The following LILRB5 variants were observed in gnomAD, a reference collection of about 807,000 sequenced individuals.
The protein encoded by LILRB5 is leukocyte immunoglobulin like receptor B5.
A neutral mutation model predicts 68.4 loss-of-function variants in LILRB5; 61 were observed. The observed-to-expected ratio is 0.89, with a 90% CI of 0.73 to 1.10. LILRB5 has a LOEUF of 1.10. Ranked by LOEUF, LILRB5 falls within the 50% of genes least tolerant of loss-of-function variation. The pLI is 0.00. For missense variants in LILRB5, 771 were observed against 751.6 expected, an observed-to-expected ratio of 1.03 and a Z score of -0.30; for synonymous variants, 356 against 315.8, an observed-to-expected ratio of 1.13 and a Z score of -1.35.
intron 2 of LILRB5, 55 bp downstream of exon 2, chr19:54,256,906 G>C (rs1183316856): frequency 1.9e-6 from 3 of 1,613,438 alleles, no homozygotes; most frequent in African/African-American, 2.7e-5. Context: ...GCCCGGGGTT[G>C]GGCCCTTGTC....
At chr19:54,255,795 C>G in intron 4 of LILRB5, 1 of 710,184 alleles carries the variant, frequency 1.4e-6, no homozygotes. Flanking sequence ...GGTCTGTCCT[C>G]TCCTCATTGA....
Position 54,255,438 on chromosome 19 carries a change from G to T in LILRB5, c.800C>A (p.Ser267Tyr), listed in dbSNP as rs1004117839. 1 of 1,614,132 alleles carries T rather than the reference G, an allele frequency of 6.2e-7. No individual in the cohort carries two copies. The change falls in exon 5 of 13, where the codon TCT (serine) becomes TAT (tyrosine). Residue 267 changes from serine to tyrosine, a missense_variant. Coordinates refer to ENST00000449561, the MANE Select transcript of LILRB5 (RefSeq NM_001081442.3). ...KEGEHDLVQG[S>Y]GQQPQAGLSQ... The stretch of plus-strand genomic sequence containing the variant: ...GAGCCCAGCCTGGGGCTGCTGGCCA[G>T]AGCCCTGGACGAGGTCATGTTCCCC...
At position 54,252,970 on chromosome 19, in the gene LILRB5, C is replaced by G; in HGVS notation, c.1375G>C (p.Gly459Arg). The G allele has an allele frequency of 6.4e-7, 1 of 1,569,648 alleles. No individual in the cohort carries two copies. The highest frequency in any genetic ancestry group is 1.1e-5 in the South Asian group (1 of 90,644). The change falls in exon 9 of 13, where the codon GGG becomes CGG. Residue 459 changes from glycine to arginine, a missense_variant. Coordinates refer to ENST00000449561, the MANE Select transcript of LILRB5 (RefSeq NM_001081442.3). Reference protein sequence around the residue: ...DPQSGLGRHLGVVTGVSVAFV... With the variant: ...DPQSGLGRHLRVVTGVSVAFV... Reference sequence around the variant, plus strand: ...GCCACTGAGACCCCAGTCACAACCCCCAGGTGCCTTCCCAGACCTTGAGCG... The same window carrying G: ...GCCACTGAGACCCCAGTCACAACCCGCAGGTGCCTTCCCAGACCTTGAGCG...
chr19:54,251,855 G>A, intron 12 of LILRB5, 199 bp downstream of exon 12: 3 of 750,078 alleles, frequency 4.0e-6, no homozygotes, highest in Non-Finnish European at 7.4e-6. Flanking sequence ...GGAGCAGGAA[G>A]GGGACCCGGG....
intron 7 of LILRB5, 111 bp from the exon 8 acceptor site, chr19:54,254,179 G>GC: frequency 6.6e-7 from 1 of 1,509,674 alleles, no homozygotes; most frequent in Non-Finnish European, 8.9e-7. Flanking sequence ...CTGCCTCGAC[G>GC]CCCGCCCCCT....
chr19:54,250,774 G>A lies in LILRB5; in HGVS notation c.*12C>T. On this transcript the variant is annotated 3_prime_UTR_variant, in exon 13 of 13. Transcript: ENST00000449561. ...TCCTTCTGTTGAGTATGAGATCTGG[G>A]TCCCCCGTGGGCTAGTGGATGGCCA... 1 of 1,613,982 alleles carries A rather than the reference G, an allele frequency of 6.2e-7. No homozygotes were observed. Among genetic ancestry groups the A allele is most frequent in the South Asian group, 1.1e-5 (1 of 91,064 alleles).
At chr19:54,255,749 G>T in intron 4 of LILRB5, 167 bp from the exon 5 acceptor site, 2 of 862,328 alleles carry the variant, frequency 2.3e-6, no homozygotes, top group Non-Finnish European at 3.5e-6. Flanking sequence ...GTTCCAGACC[G>T]ATAGTGTCTC....
chr19:54,256,939 G>A (rs2079167300), intron 2 of LILRB5, 22 bp downstream of exon 2: 1 of 1,614,046 alleles, frequency 6.2e-7, no homozygotes, highest in African/African-American at 1.3e-5. Context: ...AAGGGACCTG[G>A]GACAGCTGGG....
chr19:54,252,274 A>G, intron 11 of LILRB5, 92 bp downstream of exon 11: 2 of 1,424,362 alleles, frequency 1.4e-6, no homozygotes, highest in Non-Finnish European at 2.0e-6. Context: ...TTGGCCCCAG[A>G]CCCCCCCCAG....
intron 6 of LILRB5, 98 bp from the exon 7 acceptor site, chr19:54,254,513 C>T: frequency 1.4e-6 from 2 of 1,409,014 alleles, no homozygotes; most frequent in Non-Finnish European, 1.9e-6. Context: ...CTTTCTTCTG[C>T]TCACCTTTCA....
At position 54,256,107 on chromosome 19, in the gene LILRB5, G is replaced by C. The variant is rs1179311017; in HGVS notation, c.591C>G (p.Tyr197Ter). Reference protein sequence around the residue: ...PSCRWRFRCYYYYRKNPQVWS... With the variant: ...PSCRWRFRCY ...ACACCTGAGGGTTTTTCCTGTAATA[G>C]TAATAGCATCTGAACCTCCACCTGC... Residue 197 changes from tyrosine to a stop codon, truncating the protein, a stop_gained, in exon 4 of 13, where the codon TAC becomes TAG. Transcript: ENST00000449561. LOFTEE classifies it high-confidence loss of function. 1.9e-6 allele frequency: 3 copies of C among 1,600,684 alleles called. No homozygotes were observed. In the Admixed American group the frequency reaches 5.3e-5, roughly 28 times the overall value.
At position 54,255,407 on chromosome 19, in the gene LILRB5, C is replaced by T. The variant is rs766142917; in HGVS notation, c.831G>A (p.Gln277=). 3.1e-6 allele frequency: 5 copies of T among 1,614,042 alleles called. No individual in the cohort carries two copies. The highest frequency in any genetic ancestry group is 4.2e-6 in the Non-Finnish European group (5 of 1,180,034). ...SGQQPQAGLS[Q]ANFTLGPVSR... is the part of the protein sequence containing the mutation. ...TCACAGGGCCCAGGGTGAAGTTGGC[C>T]TGGGAGAGCCCAGCCTGGGGCTGCT... Residue 277 remains glutamine, a synonymous_variant, in exon 5 of 13, where the codon CAG becomes CAA. Transcript: ENST00000449561.
rs868084342 is a variant in LILRB5, at chr19:54,252,621, G to A, written c.1475-72C>T. 4.7e-5 allele frequency: 73 copies of A among 1,544,574 alleles called. 2 individuals are homozygous for A. The Middle Eastern group carries it at 3.5e-3, about 73-fold the overall frequency. On this transcript the variant is annotated intron_variant, in intron 9 of 12. Coordinates refer to ENST00000449561, the MANE Select transcript of LILRB5 (RefSeq NM_001081442.3). The stretch of plus-strand genomic sequence containing the variant: ...GCTGCCCTGCACACACAACTCGAGC[G>A]GAAAGAAGGAAACCTGGAGGCCCAC...
rs745376455 is a variant in LILRB5, at chr19:54,256,944, G to T, written c.70+17C>A. 2.2e-5 allele frequency: 36 copies of T among 1,614,084 alleles called. No homozygotes were observed. Among genetic ancestry groups the T allele is most frequent in the Non-Finnish European group, 8.5e-7 (1 of 1,180,032 alleles). On this transcript the variant is annotated intron_variant, in intron 2 of 12. Transcript: ENST00000449561. ...CAGTGAGAAGAAGGGACCTGGGACA[G>T]CTGGGGACAGACTCACCTGCCTGCA... is the stretch of plus-strand genomic sequence containing the variant.
Position 54,254,004 on chromosome 19 carries a change from A to G in LILRB5, c.1357+14T>C, listed in dbSNP as rs370294576. The G allele has an allele frequency of 5.9e-5, 93 of 1,582,620 alleles. No individual in the cohort carries two copies. The African/African-American group carries it at 1.1e-3, about 19-fold the overall frequency. ...TGGTCTCCGCCCACCTCCCACTCAG[A>G]GCCCCTCACTCACCACTCTGGGGAT... is the stretch of plus-strand genomic sequence containing the variant. On this transcript the variant is annotated intron_variant, in intron 8 of 12. Transcript: ENST00000449561.
rs1019964637 is a variant in LILRB5 at position 54,254,983 on chromosome 19, G to A, written c.1007C>T (p.Ser336Leu). ...ACACAGCAGGGTCACGTTCTCTCCTGAGGCCACCTTGGGGCCCGGCTGCAC... is the reference window on the plus strand; with the variant it reads ...ACACAGCAGGGTCACGTTCTCTCCTAAGGCCACCTTGGGGCCCGGCTGCAC... ...LSVQPGPKVA[S>L]GENVTLLCQS... Residue 336 changes from serine (S) to leucine (L), a missense_variant, in exon 6 of 13, where the codon TCA becomes TTA. Physicochemically the swap from Ser to Leu is moderately radical, Grantham distance 145 (BLOSUM62 -2). Transcript: ENST00000449561. 4 of 1,613,638 alleles carry A rather than the reference G, an allele frequency of 2.5e-6. No homozygotes were observed. In the African/African-American group the frequency reaches 5.3e-5, roughly 22 times the overall value.
intron 8 of LILRB5, chr19:54,253,191 G>A (rs954569624): frequency 1.1e-5 from 3 of 269,650 alleles, no homozygotes; most frequent in Non-Finnish European, 2.3e-5. Flanking sequence ...CAGCCTGGAA[G>A]AAGCAGGTCT....
chr19:54,251,905 G>C (rs1023693949), intron 12 of LILRB5, 149 bp downstream of exon 12: 38 of 876,190 alleles, frequency 4.3e-5, no homozygotes, highest in Non-Finnish European at 7.1e-5. Context: ...AAGAGAGTGA[G>C]GTCGCAGCAG....
chr19:54,253,175 G>T (rs1453039611), intron 8 of LILRB5, 188 bp from the exon 9 acceptor site: 4 of 288,468 alleles, frequency 1.4e-5, no homozygotes, highest in Admixed American at 4.7e-5. Flanking sequence ...CCTGCCCCAG[G>T]CTCCTCAGCC....
Sources: gnomAD v4.1 joint callset for allele counts on GRCh38, gnomAD v4.1.1 for gene constraint, MANE v1.5 for transcripts, NCBI Gene and HGNC (gene_info 2026-07-23, HGNC 2026-07-21) for gene names.